DNAH9: variants seen among roughly 807,000 people sequenced by gnomAD.
DNAH9 encodes the protein DNAH9 variant protein.
A neutral mutation model predicts 471.6 loss-of-function variants in DNAH9; 345 were observed. The ratio of observed to expected loss-of-function variants is 0.73; its 90% CI spans 0.67 to 0.80. DNAH9 has a LOEUF of 0.80. Ranked by LOEUF, DNAH9 falls within the 30% of genes least tolerant of loss-of-function variation. The pLI is 0.00. For missense variants in DNAH9, 5,407 were observed against 5,609.2 expected, an observed-to-expected ratio of 0.96 and a Z score of 1.15; for synonymous variants, 2,093 against 2,123.6, an observed-to-expected ratio of 0.99 and a Z score of 0.40.
At chr17:11,902,605 T>C (rs1973449016) in intron 59 of DNAH9, 114 bp from the exon 60 acceptor site, 3 of 1,018,070 alleles carry the variant, frequency 2.9e-6, no homozygotes, top group Non-Finnish European at 4.4e-6. Flanking sequence ...TAGACAAGAG[T>C]ATAAATGAGA....
At chr17:11,729,290 T>C (rs1292579215) in intron 28 of DNAH9, among the ~76,000 whole-genome samples, 1 of 152,106 alleles carries the variant, frequency 6.6e-6, no homozygotes, top group Non-Finnish European at 1.5e-5. Flanking sequence ...CCCTGCAGGC[T>C]GAGCACCCCC....
chr17:11,771,084 A>G (rs146887497), intron 38 of DNAH9, among the ~76,000 whole-genome samples: 1,688 of 152,254 alleles, frequency 0.011, 31 homozygotes, highest in African/African-American at 0.039. Context: ...TATTACCATG[A>G]TTTTCAATAT....
chr17:11,600,603 C>T (rs541000363), intron 1 of DNAH9, among the ~76,000 whole-genome samples: 1 of 152,270 alleles, frequency 6.6e-6, no homozygotes, highest in Non-Finnish European at 1.5e-5. Flanking sequence ...TATGGGCCAT[C>T]TATACAGTGA....
At chr17:11,720,778 A>G (rs2150803940) in intron 27 of DNAH9, among the ~76,000 whole-genome samples, 1 of 152,270 alleles carries the variant, frequency 6.6e-6, no homozygotes, top group East Asian at 1.9e-4. Context: ...TGTTAAGTAA[A>G]CAAAGCAAGG....
chr17:11,647,072 G>T lies in DNAH9; in HGVS notation c.1971G>T (p.Lys657Asn), dbSNP rs1170181224. 1 of 1,613,778 alleles carries T rather than the reference G, an allele frequency of 6.2e-7. No individual in the cohort carries two copies. Among genetic ancestry groups the T allele is most frequent in the South Asian group, 1.1e-5 (1 of 91,030 alleles). Residue 657 changes from lysine (K) to asparagine (N), a missense_variant and splice_region_variant, in exon 12 of 69, where the codon AAG becomes AAT. By Grantham distance (94) the Lys-to-Asn change is moderately conservative (BLOSUM62 0). This residue lies in a region of DNAH9 where 4,636 missense variants were observed against 4,900.3 expected (regional missense o/e 0.95). Coordinates refer to ENST00000262442, the MANE Select transcript of DNAH9 (RefSeq NM_001372.4). Reference protein sequence around the residue: ...KYEDMLSLLEKYETRLYEDWC... With the variant: ...KYEDMLSLLENYETRLYEDWC... ...TGGCTGTTGTCTCTGACCCTTGCAG[G>T]TATGAGACAAGACTTTATGAGGATT... is the stretch of plus-strand genomic sequence containing the variant.
At chr17:11,633,801 C>G (rs1475732454) in intron 8 of DNAH9, among the ~76,000 whole-genome samples, 2 of 152,236 alleles carry the variant, frequency 1.3e-5, no homozygotes, top group Non-Finnish European at 2.9e-5. Flanking sequence ...ATAGATCCCT[C>G]TCTACCAGAG....
At position 11,833,611 on chromosome 17, in the gene DNAH9, A is replaced by T. The variant is rs1309603667; in HGVS notation, c.9247-1027A>T. ...TAAGGAAATTGTTTATTGTTAATCA[A>T]GTCCTGGCCATTTGGAGCCACTTGC... is the stretch of plus-strand genomic sequence containing the variant. On this transcript the variant is annotated intron_variant, in intron 48 of 68. Transcript: ENST00000262442. Among the ~76,000 whole-genome samples, 3 of 152,150 alleles carry T rather than the reference A, an allele frequency of 2.0e-5. No homozygotes were observed. The East Asian group carries it at 5.8e-4, about 29-fold the overall frequency.
At chr17:11,791,580 G>A (rs112285431) in intron 41 of DNAH9, among the ~76,000 whole-genome samples, 4 of 152,196 alleles carry the variant, frequency 2.6e-5, no homozygotes, top group African/African-American at 7.2e-5. Flanking sequence ...GTGTGGTGGT[G>A]CGTGCCTATA....
At chr17:11,670,561 C>T (rs2073957177) in intron 17 of DNAH9, among the ~76,000 whole-genome samples, 1 of 152,166 alleles carries the variant, frequency 6.6e-6, no homozygotes, top group Non-Finnish European at 1.5e-5. Context: ...CTTAATGCTG[C>T]CACTGCCTTG....
At chr17:11,657,670 T>C (rs1449095965) in intron 14 of DNAH9, among the ~76,000 whole-genome samples, 1 of 151,988 alleles carries the variant, frequency 6.6e-6, no homozygotes, top group Non-Finnish European at 1.5e-5. Context: ...AGTTTTACAG[T>C]TTTAACTTTT....
In DNAH9 at chr17:11,738,810, C is replaced by T. The variant is rs73292673; in HGVS notation, c.5815-70C>T. 4,590 of 1,394,350 alleles carry T rather than the reference C, an allele frequency of 3.3e-3. 124 individuals carry two copies. The African/African-American group carries it at 0.058, about 18-fold the overall frequency. The allele number at this position is 1,394,350 out of a possible 1,614,324, so 86.4% of individuals were successfully genotyped here. A position where few individuals can be genotyped will look rare whatever the true frequency, so the allele number is the denominator to read the frequency against. On this transcript the variant is annotated intron_variant, in intron 28 of 68. Coordinates refer to ENST00000262442, the MANE Select transcript of DNAH9 (RefSeq NM_001372.4). ...TCGTGCTGTGTGTGACTACAGGGTT[C>T]CAGCTTTAGTTATGATCCCTCCACT...
chr17:11,768,678 T>C, intron 37 of DNAH9, 52 bp downstream of exon 37: 1 of 1,587,790 alleles, frequency 6.3e-7, no homozygotes, highest in Non-Finnish European at 8.6e-7. Flanking sequence ...CTCAAGGATC[T>C]GCAGTGGCTC....
chr17:11,941,264 A>AC, intron 66 of DNAH9, among the ~76,000 whole-genome samples: 1 of 152,290 alleles, frequency 6.6e-6, no homozygotes, highest in Non-Finnish European at 1.5e-5. Flanking sequence ...ACAGATATCC[A>AC]CCACAGGCAC....
chr17:11,782,639 G>A (rs1968713003), intron 39 of DNAH9, among the ~76,000 whole-genome samples: 2 of 152,202 alleles, frequency 1.3e-5, no homozygotes, highest in Admixed American at 6.5e-5. Flanking sequence ...GCTTATGCCT[G>A]TAATCCCAGC....
intron 21 of DNAH9, 129 bp from the exon 22 acceptor site, chr17:11,694,192 A>G (rs1223094403): frequency 7.9e-6 from 10 of 1,268,486 alleles, no homozygotes; most frequent in Non-Finnish European, 1.0e-5. Flanking sequence ...ATCTTTGCAA[A>G]TATCTCTAAG....
At chr17:11,730,155 TTAG>T (rs1178000969) in intron 28 of DNAH9, among the ~76,000 whole-genome samples, 3 of 152,104 alleles carry the variant, frequency 2.0e-5, no homozygotes, top group African/African-American at 7.2e-5. Flanking sequence ...TCAGCAGCAG[TTAG>T]TAGAGGAAGG....
chr17:11,723,843 T>A (rs1350396545), intron 27 of DNAH9, among the ~76,000 whole-genome samples: 1 of 152,052 alleles, frequency 6.6e-6, no homozygotes, highest in East Asian at 2.0e-4. Context: ...AATTGGTTTT[T>A]TTTGTACTTT....
intron 22 of DNAH9, among the ~76,000 whole-genome samples, chr17:11,696,540 G>A (rs958867345): frequency 6.6e-6 from 1 of 152,060 alleles, no homozygotes. Flanking sequence ...CCACCCTTTT[G>A]CTTCACCACA....
intron 60 of DNAH9, among the ~76,000 whole-genome samples, chr17:11,903,893 A>G (rs925304821): frequency 1.4e-5 from 2 of 145,964 alleles, no homozygotes; most frequent in African/African-American, 5.0e-5. Flanking sequence ...CCTGGGCAAC[A>G]GAGGGAGACT....
Sources: gnomAD v4.1 joint callset for allele counts (sites outside exome capture counted in the v4.1 genomes callset) on GRCh38, gnomAD v4.1.1 for gene constraint, gnomAD v4.1.1 regional missense constraint, MANE v1.5 for transcripts, NCBI Gene and HGNC (gene_info 2026-07-23, HGNC 2026-07-21) for gene names.